The following CMSS1 variants were observed in gnomAD, a reference collection of about 807,000 sequenced individuals.
CMSS1 encodes protein CMSS1.
In CMSS1, 33 loss-of-function variants were observed where a neutral mutation model predicts 43.5. That is an observed-to-expected ratio of 0.76 (90% CI 0.57 to 1.01). The LOEUF is 1.01. Ranked by LOEUF, CMSS1 falls within the 50% of genes least tolerant of loss-of-function variation. The probability of loss-of-function intolerance (pLI) is 0.00; values close to 1 mark genes in which losing one functional copy is unlikely to be tolerated. For synonymous variants in CMSS1, 115 were observed against 117.2 expected (o/e 0.98, Z 0.12); for missense variants, 313 against 326.4 (o/e 0.96, Z 0.32).
At chr3:99,877,099 A>G (rs1354320777) in intron 1 of CMSS1, among the ~76,000 whole-genome samples, 6 of 152,190 alleles carry the variant, frequency 3.9e-5, no homozygotes, top group Non-Finnish European at 8.8e-5. Flanking sequence ...GTGAATGAGA[A>G]TTCACCTCCG....
chr3:99,829,754 A>C (rs1942613428), intron 1 of CMSS1, among the ~76,000 whole-genome samples: 1 of 152,210 alleles, frequency 6.6e-6, no homozygotes, highest in Non-Finnish European at 1.5e-5. Flanking sequence ...TGTCTCCCTA[A>C]AATATCTCAA....
intron 1 of CMSS1, among the ~76,000 whole-genome samples, chr3:99,892,415 T>G (rs1706111245): frequency 6.6e-6 from 1 of 152,198 alleles, no homozygotes; most frequent in Non-Finnish European, 1.5e-5. Context: ...AGTGTCCAGC[T>G]GTAATCATCC....
intron 1 of CMSS1, chr3:100,141,487 T>C (rs1406041535): frequency 4.4e-6 from 2 of 451,250 alleles, no homozygotes; most frequent in African/African-American, 4.0e-5. Flanking sequence ...CGTACTCTTT[T>C]GCACATTTTA....
At position 100,180,832 on chromosome 3, in the gene CMSS1, ATTC is replaced by A. The variant is rs1416318670; in HGVS notation, c.*2448_*2450del. On this transcript the variant is annotated 3_prime_UTR_variant, in exon 10 of 10. Transcript: ENST00000421999. The stretch of plus-strand genomic sequence containing the variant: ...CACTTCTCTGGTACCAATTTTTTGT[ATTC>A]TTCCATTTTTACACTGCTATGAAGA... The A allele has an allele frequency of 2.0e-5, 3 of 152,148 alleles. No individual in the cohort carries two copies. The highest frequency in any genetic ancestry group is 4.4e-5 in the Non-Finnish European group (3 of 68,016). The allele number at this position is 152,148 out of a possible 1,614,324, so 9.4% of individuals were successfully genotyped here.
chr3:100,129,236 G>A (rs548297417), intron 1 of CMSS1, among the ~76,000 whole-genome samples: 7 of 152,162 alleles, frequency 4.6e-5, no homozygotes, highest in East Asian at 1.9e-4. Flanking sequence ...TTTCCTCCTC[G>A]GGGCTTAGCA....
chr3:99,962,901 A>G (rs1019511371), intron 1 of CMSS1, among the ~76,000 whole-genome samples: 2 of 152,148 alleles, frequency 1.3e-5, no homozygotes, highest in Non-Finnish European at 2.9e-5. Flanking sequence ...ACAACTACAT[A>G]CTCACTGGAA....
chr3:100,014,613 T>C (rs955029202), intron 1 of CMSS1, among the ~76,000 whole-genome samples: 1 of 152,142 alleles, frequency 6.6e-6, no homozygotes, highest in Non-Finnish European at 1.5e-5. Flanking sequence ...TTTTTTCATA[T>C]ACCTGTTGGC....
intron 2 of CMSS1, among the ~76,000 whole-genome samples, chr3:100,158,784 C>A (rs1453269665): frequency 1.3e-5 from 2 of 152,228 alleles, no homozygotes; most frequent in Admixed American, 6.5e-5. Flanking sequence ...CATATTCTTA[C>A]AATTGAGCTC....
intron 1 of CMSS1, among the ~76,000 whole-genome samples, chr3:100,032,394 A>T (rs1374593373): frequency 2.0e-5 from 3 of 152,204 alleles, no homozygotes; most frequent in African/African-American, 7.2e-5. Context: ...AGAAGAGGAC[A>T]TGTGACTTAG....
intron 1 of CMSS1, among the ~76,000 whole-genome samples, chr3:99,958,583 G>A (rs1399271062): frequency 5.3e-5 from 8 of 152,168 alleles, no homozygotes; most frequent in East Asian, 1.9e-4. Context: ...ATGGGTCTAC[G>A]GTTAGTAGAA....
At chr3:100,107,264 A>G (rs1474504532) in intron 1 of CMSS1, among the ~76,000 whole-genome samples, 1 of 152,204 alleles carries the variant, frequency 6.6e-6, no homozygotes, top group African/African-American at 2.4e-5. Context: ...ATAGAATTCT[A>G]TGCTGAAAAA....
intron 1 of CMSS1, among the ~76,000 whole-genome samples, chr3:100,095,236 A>C (rs1374867872): frequency 1.3e-5 from 2 of 152,108 alleles, no homozygotes; most frequent in Non-Finnish European, 2.9e-5. Flanking sequence ...TTTCCATATA[A>C]ATTTTAGATC....
intron 1 of CMSS1, among the ~76,000 whole-genome samples, chr3:100,037,829 C>A (rs2065132944): frequency 6.6e-6 from 1 of 152,054 alleles, no homozygotes; most frequent in Non-Finnish European, 1.5e-5. Context: ...CAGATTAAGA[C>A]CTTTAAAAAA....
At chr3:99,834,660 C>T (rs1035538362) in intron 1 of CMSS1, among the ~76,000 whole-genome samples, 3 of 152,020 alleles carry the variant, frequency 2.0e-5, no homozygotes, top group African/African-American at 7.2e-5. Flanking sequence ...TTTTTTTGTA[C>T]CCTTTCCTCC....
At chr3:99,912,480 T>A (rs1207146043) in intron 1 of CMSS1, among the ~76,000 whole-genome samples, 1 of 152,138 alleles carries the variant, frequency 6.6e-6, no homozygotes, top group Non-Finnish European at 1.5e-5. Flanking sequence ...TGGACTCAGG[T>A]GATCCTCCTA....
At chr3:100,172,184 A>G in intron 7 of CMSS1, 132 bp from the exon 8 acceptor site, 2 of 761,814 alleles carry the variant, frequency 2.6e-6, no homozygotes. Flanking sequence ...CTGCCCTGGA[A>G]GTCGACCCTA....
intron 1 of CMSS1, among the ~76,000 whole-genome samples, chr3:99,983,390 ATATATAT>A (rs1709192215): frequency 8.8e-5 from 1 of 11,340 alleles, no homozygotes; most frequent in African/African-American, 1.9e-4. Flanking sequence ...AAATAAATAA[ATATATAT>A]ATATATATAT....
chr3:100,048,855 A>C (rs1273935131), intron 1 of CMSS1, among the ~76,000 whole-genome samples: 1 of 152,208 alleles, frequency 6.6e-6, no homozygotes, highest in African/African-American at 2.4e-5. Context: ...TCTGTTGTGC[A>C]GAATTATATA....
At chr3:100,128,625 C>T (rs907249603) in intron 1 of CMSS1, among the ~76,000 whole-genome samples, 1 of 152,144 alleles carries the variant, frequency 6.6e-6, no homozygotes, top group African/African-American at 2.4e-5. Context: ...CTAAAAGTTC[C>T]TTAAGATCCC....
Sources: gnomAD v4.1 joint callset for allele counts (sites outside exome capture counted in the v4.1 genomes callset) on GRCh38, gnomAD v4.1.1 for gene constraint, MANE v1.5 for transcripts, NCBI Gene and HGNC (gene_info 2026-07-23, HGNC 2026-07-21) for gene names.